The following PDE3A variants were observed in gnomAD, a reference collection of about 807,000 sequenced individuals.
PDE3A encodes phosphodiesterase 3A.
In PDE3A, 43 loss-of-function variants were observed where a neutral mutation model predicts 98.3. That is an observed-to-expected ratio of 0.44 (90% CI 0.34 to 0.56). The LOEUF is 0.56. Among genes scored for constraint, PDE3A ranks in the 20% least tolerant of loss-of-function variants. PDE3A has a pLI of 0.01. For synonymous variants in PDE3A, 663 were observed against 567.9 expected (o/e 1.17, Z -2.38); for missense variants, 1,427 against 1,440.7 (o/e 0.99, Z 0.15).
chr12:20,398,490 C>A (rs1243834629), intron 1 of PDE3A, among the ~76,000 whole-genome samples: 1 of 151,940 alleles, frequency 6.6e-6, no homozygotes, highest in Non-Finnish European at 1.5e-5. Context: ...TTATAAACAG[C>A]CTCATATTTT....
chr12:20,375,096 T>A (rs553274114), intron 1 of PDE3A, among the ~76,000 whole-genome samples: 1 of 152,034 alleles, frequency 6.6e-6, no homozygotes, highest in Admixed American at 6.6e-5. Context: ...GTTTATATCT[T>A]CTTAAAAAAA....
chr12:20,582,885 A>G (rs1344871322), intron 2 of PDE3A, among the ~76,000 whole-genome samples: 1 of 152,248 alleles, frequency 6.6e-6, no homozygotes. Flanking sequence ...CTTAATATGC[A>G]GAGGGAAAAA....
intron 6 of PDE3A, among the ~76,000 whole-genome samples, chr12:20,631,604 G>A (rs1944377622): frequency 6.6e-6 from 1 of 151,938 alleles, no homozygotes; most frequent in African/African-American, 2.4e-5. Flanking sequence ...GTCTCCCACT[G>A]TGGGTTCCGG....
At chr12:20,395,577 A>T (rs960762711) in intron 1 of PDE3A, among the ~76,000 whole-genome samples, 18 of 115,266 alleles carry the variant, frequency 1.6e-4, no homozygotes, top group Admixed American at 1.1e-3. Flanking sequence ...TATACATAGT[A>T]TTATATATGT....
intron 1 of PDE3A, among the ~76,000 whole-genome samples, chr12:20,515,610 T>G (rs7487165): frequency 0.28 from 42,645 of 152,078 alleles, 7,062 homozygotes; most frequent in East Asian, 0.6. Flanking sequence ...GACCTTCCAC[T>G]GGACACGTGG....
At chr12:20,438,383 C>G (rs1565549169) in intron 1 of PDE3A, among the ~76,000 whole-genome samples, 1 of 152,088 alleles carries the variant, frequency 6.6e-6, no homozygotes, top group African/African-American at 2.4e-5. Context: ...TGTCCCAAGC[C>G]AAATACATTT....
chr12:20,467,440 G>A (rs990345110), intron 1 of PDE3A, among the ~76,000 whole-genome samples: 1 of 151,864 alleles, frequency 6.6e-6, no homozygotes, highest in Non-Finnish European at 1.5e-5. Flanking sequence ...GTTGTCACAG[G>A]AAATGACTTA....
Position 20,369,784 on chromosome 12 carries a change from G to A in PDE3A, c.500G>A (p.Cys167Tyr). 1 of 1,612,570 alleles carries A rather than the reference G, an allele frequency of 6.2e-7. No individual in the cohort carries two copies. The highest frequency in any genetic ancestry group is 8.5e-7 in the Non-Finnish European group (1 of 1,179,726). The change falls in exon 1 of 16, where the codon TGC becomes TAC. Residue 167 changes from cysteine to tyrosine, a missense_variant. Transcript: ENST00000359062. The part of the protein sequence containing the change: ...LPLAVALLAA[C>Y]CGGEALVQIG... ...CTGGCTGTCGCGCTGCTGGCCGCCTGCTGCGGGGGGGAAGCGCTCGTCCAG... is the reference window on the plus strand; with the variant it reads ...CTGGCTGTCGCGCTGCTGGCCGCCTACTGCGGGGGGGAAGCGCTCGTCCAG...
At position 20,552,258 on chromosome 12, in the gene PDE3A, G is replaced by A; in HGVS notation, c.961-4402G>A. The A allele has an allele frequency of 9.3e-6, 15 of 1,613,968 alleles. No homozygotes were observed. Among genetic ancestry groups the A allele is most frequent in the Non-Finnish European group, 1.2e-5 (14 of 1,179,884 alleles). On this transcript the variant is annotated intron_variant, in intron 1 of 15. Coordinates refer to ENST00000359062, the MANE Select transcript of PDE3A (RefSeq NM_000921.5). The surrounding 1 kb of genome is among the most constrained non-coding windows in gnomAD (Gnocchi z 5.1). Reference sequence around the variant, plus strand: ...TGGTGCGCAATGTCAAGGGTGGCAAGAATAGCAAGTACGCCCCCGCTGAGG... The same window carrying A: ...TGGTGCGCAATGTCAAGGGTGGCAAAAATAGCAAGTACGCCCCCGCTGAGG...
At chr12:20,440,266 T>C (rs1944847678) in intron 1 of PDE3A, among the ~76,000 whole-genome samples, 1 of 152,160 alleles carries the variant, frequency 6.6e-6, no homozygotes, top group African/African-American at 2.4e-5. Flanking sequence ...CCCAAAAGAC[T>C]TAAATTTTAA....
intron 1 of PDE3A, among the ~76,000 whole-genome samples, chr12:20,391,341 T>C (rs140379404): frequency 7.8e-4 from 114 of 146,986 alleles, no homozygotes; most frequent in African/African-American, 2.6e-3. Flanking sequence ...TGTGTGTATG[T>C]ATACATATAT....
intron 15 of PDE3A, among the ~76,000 whole-genome samples, chr12:20,657,352 T>TATCA (rs1380714581): frequency 6.6e-6 from 1 of 152,170 alleles, no homozygotes; most frequent in East Asian, 1.9e-4. Flanking sequence ...CTCTCAGTAA[T>TATCA]GTTAATATCA....
intron 1 of PDE3A, among the ~76,000 whole-genome samples, chr12:20,502,125 A>G (rs1591994309): frequency 6.6e-6 from 1 of 152,302 alleles, no homozygotes; most frequent in East Asian, 1.9e-4. Flanking sequence ...TGTATTTTGT[A>G]TGAATTACTG....
intron 2 of PDE3A, among the ~76,000 whole-genome samples, chr12:20,604,800 A>ATGTT (rs1209196757): frequency 6.6e-6 from 1 of 152,166 alleles, no homozygotes; most frequent in East Asian, 1.9e-4. Context: ...AGAGCCAAGA[A>ATGTT]TGTTTCTCTC....
intron 1 of PDE3A, chr12:20,551,565 C>A (rs547884416): frequency 8.6e-6 from 13 of 1,505,986 alleles, no homozygotes; most frequent in Admixed American, 2.0e-5. Context: ...ACGCGACCCC[C>A]GAGCGGGTCT....
intron 15 of PDE3A, among the ~76,000 whole-genome samples, chr12:20,657,796 G>C (rs532437411): frequency 6.6e-6 from 1 of 152,244 alleles, no homozygotes; most frequent in South Asian, 2.1e-4. Context: ...ACATTTAACA[G>C]TATTAATAAG....
chr12:20,635,468 C>T (rs997202627), intron 8 of PDE3A, among the ~76,000 whole-genome samples: 20 of 151,926 alleles, frequency 1.3e-4, no homozygotes, highest in South Asian at 8.3e-4. Flanking sequence ...TTCCCAGCTA[C>T]GCAGGAGGCT....
chr12:20,676,472 G>C (rs1307403102), intron 15 of PDE3A, among the ~76,000 whole-genome samples: 3 of 137,542 alleles, frequency 2.2e-5, no homozygotes, highest in African/African-American at 8.0e-5. Context: ...TTCTTTTGCT[G>C]TTTTTAGAAC....
chr12:20,488,646 GA>G (rs1565565388), intron 1 of PDE3A, among the ~76,000 whole-genome samples: 1 of 151,874 alleles, frequency 6.6e-6, no homozygotes, highest in Non-Finnish European at 1.5e-5. Flanking sequence ...CGGGCTGAGT[GA>G]CACAGTGAGA....
Sources: allele counts gnomAD v4.1 joint callset (sites outside exome capture counted in the v4.1 genomes callset), GRCh38; gene constraint gnomAD v4.1.1; non-coding constraint Gnocchi (gnomAD v3.1); transcripts MANE v1.5; gene names NCBI Gene and HGNC (gene_info 2026-07-23, HGNC 2026-07-21).